Variants in MB observed in about 807,000 individuals in gnomAD.
MB encodes the protein myoglobin.
A neutral mutation model predicts 14.5 loss-of-function variants in MB; 10 were observed. That is an observed-to-expected ratio of 0.69 (90% CI 0.43 to 1.17). The LOEUF is 1.17. Ranked by LOEUF, MB falls within the 50% of genes most tolerant of loss-of-function variation. The pLI, the probability that MB is intolerant of heterozygous loss-of-function variation, is 0.00. For missense variants in MB, 169 were observed against 192.7 expected (o/e 0.88, Z 0.73); for synonymous variants, 89 against 78.6 (o/e 1.13, Z -0.70).
intron 1 of MB, among the ~76,000 whole-genome samples, chr22:35,612,127 C>T (rs1230840932): frequency 1.3e-5 from 2 of 152,196 alleles, no homozygotes; most frequent in East Asian, 3.9e-4. Context: ...TTGGCACGGG[C>T]AACCCTGTCT....
In MB at chr22:35,610,953, A is replaced by T; in HGVS notation, c.249T>A (p.His83Gln). Reference sequence around the variant, plus strand: ...GTGCCAGGGGCTTAATCTCTGCCTCATGATGCCCCTTCTTCTTAAGGATGC... The same window carrying T: ...GTGCCAGGGGCTTAATCTCTGCCTCTTGATGCCCCTTCTTCTTAAGGATGC... ...LGGILKKKGH[H>Q]EAEIKPLAQS... is the part of the protein sequence containing the mutation. Residue 83 changes from histidine (H) to glutamine (Q), a missense_variant, in exon 2 of 3, where the codon CAT (histidine) becomes CAA (glutamine). By Grantham distance (24) the His-to-Gln change is conservative. Transcript: ENST00000397326. 1 of 1,614,192 alleles carries T rather than the reference A, an allele frequency of 6.2e-7. No homozygotes were observed. The highest frequency in any genetic ancestry group is 1.1e-5 in the South Asian group (1 of 91,086).
chr22:35,609,114 T>G (rs866677013), intron 2 of MB, among the ~76,000 whole-genome samples: 1 of 152,184 alleles, frequency 6.6e-6, no homozygotes, highest in Admixed American at 6.5e-5. Context: ...CTTCTTCCTC[T>G]CTAGAGAGAG....
chr22:35,617,389 C>T (rs548098541), upstream of MB: 14 of 640,056 alleles, frequency 2.2e-5, no homozygotes, highest in East Asian at 3.6e-4. Flanking sequence ...AAAGATCGCT[C>T]AATGGCTCGC....
In MB at chr22:35,610,899, G is replaced by T. The variant is rs145228972; in HGVS notation, c.303C>A (p.Pro101=). ...AQSHATKHKI[P]VKYLEFISEC... ...CTGCTCCTACCTCCAGGTACTTCAC[G>T]GGGATCTTGTGCTTGGTGGCATGCG... Residue 101 remains proline, a synonymous_variant, in exon 2 of 3, where the codon CCC becomes CCA. Transcript: ENST00000397326. The T allele has an allele frequency of 2.5e-6, 4 of 1,613,732 alleles. No individual in the cohort carries two copies. The highest frequency in any genetic ancestry group is 1.7e-5 in the Admixed American group (1 of 59,988).
At position 35,607,352 on chromosome 22, in the gene MB, T is replaced by C. The variant is rs773082492; in HGVS notation, c.410A>G (p.Glu137Gly). 1.2e-6 allele frequency: 2 copies of C among 1,614,146 alleles called. No individual in the cohort carries two copies. The highest frequency in any genetic ancestry group is 1.7e-6 in the Non-Finnish European group (2 of 1,180,008). ...GGAGGCCATGTCCTTCCGGAACAGC[T>C]CCAGGGCCTTGTTCATGGCCCCCTG... ...DAQGAMNKALELFRKDMASNY... is the reference protein window; with the variant it reads ...DAQGAMNKALGLFRKDMASNY... Residue 137 changes from glutamate (E) to glycine (G), a missense_variant, in exon 3 of 3, where the codon GAG becomes GGG. By Grantham distance (98) the Glu-to-Gly change is moderately conservative. Coordinates refer to ENST00000397326, the MANE Select transcript of MB (RefSeq NM_005368.3).
chr22:35,607,194 A>C lies in MB; in HGVS notation c.*103T>G. On this transcript the variant is annotated 3_prime_UTR_variant, in exon 3 of 3. Coordinates refer to ENST00000397326, the MANE Select transcript of MB (RefSeq NM_005368.3). ...CTCCTCCTGCCCACCTCTACTAAAC[A>C]AAGCAGACACTCAGAAGCAAACTCT... The C allele has an allele frequency of 1.5e-6, 2 of 1,372,940 alleles. No individual in the cohort carries two copies. Among genetic ancestry groups the C allele is most frequent in the Non-Finnish European group, 2.0e-6 (2 of 1,019,592 alleles). The allele number at this position is 1,372,940 out of a possible 1,614,324, so 85.0% of individuals were successfully genotyped here.
chr22:35,614,312 G>A (rs1922887740), intron 1 of MB, among the ~76,000 whole-genome samples: 1 of 152,154 alleles, frequency 6.6e-6, no homozygotes, highest in Admixed American at 6.5e-5. Context: ...AAGGATTCTG[G>A]GCCGGGCTCA....
At chr22:35,617,903 G>T (rs987677951), upstream of MB, among the ~76,000 whole-genome samples, 29 of 152,174 alleles carry the variant, frequency 1.9e-4, no homozygotes, top group African/African-American at 6.5e-4. Flanking sequence ...CTGCTCAAAG[G>T]TTTCCCTCTG....
At chr22:35,621,572 G>C (rs1181833250), upstream of MB, among the ~76,000 whole-genome samples, 1 of 152,104 alleles carries the variant, frequency 6.6e-6, no homozygotes, top group Non-Finnish European at 1.5e-5. Flanking sequence ...ACTAAACATA[G>C]TTTTCCCTAC....
chr22:35,610,749 G>A, intron 2 of MB, 135 bp downstream of exon 2: 1 of 684,866 alleles, frequency 1.5e-6, no homozygotes, highest in Non-Finnish European at 2.5e-6. Context: ...TTACAAATGA[G>A]AAACCTGGGG....
chr22:35,617,453 A>T (rs1275201363), upstream of MB: 1 of 589,542 alleles, frequency 1.7e-6, no homozygotes, highest in Non-Finnish European at 3.0e-6. Flanking sequence ...GGGAGGGTCT[A>T]ATCTTTTCCT....
chr22:35,607,681 A>C (rs1005927199), intron 2 of MB, among the ~76,000 whole-genome samples: 2 of 152,004 alleles, frequency 1.3e-5, no homozygotes, highest in Non-Finnish European at 2.9e-5. Context: ...AGGCGAGGGG[A>C]GGTTGAATGG....
intron 2 of MB, 26 bp from the exon 3 acceptor site, chr22:35,607,469 T>C (rs368061509): frequency 6.2e-7 from 1 of 1,609,110 alleles, no homozygotes; most frequent in Non-Finnish European, 8.5e-7. Flanking sequence ...GGAGAGAAAA[T>C]GGTCACCAGG....
chr22:35,621,033 AC>A (rs1923429909), upstream of MB, among the ~76,000 whole-genome samples: 1 of 152,102 alleles, frequency 6.6e-6, no homozygotes, highest in Non-Finnish European at 1.5e-5. Flanking sequence ...CATCTCTACA[AC>A]AGAGCAGCGT....
chr22:35,608,791 C>T lies in MB; in HGVS notation c.319-1348G>A, dbSNP rs1922348543. On this transcript the variant is annotated intron_variant, in intron 2 of 2. Transcript: ENST00000397326. This position sits in a 1 kb window ranked among gnomAD's most constrained non-coding sequence, Gnocchi z 4.3. ...AGACTTTCTGGAGTCCATGGCAGAG[C>T]CACTCATATCTAGAAAACAGTGGAA... 6.6e-6 allele frequency among the ~76,000 whole-genome samples: 1 copy of T among 152,208 alleles called. No homozygotes were observed. Among genetic ancestry groups the T allele is most frequent in the South Asian group, 2.1e-4 (1 of 4,830 alleles).
At position 35,609,285 on chromosome 22, in the gene MB, C is replaced by T. The variant is rs533657711; in HGVS notation, c.318+1599G>A. Among the ~76,000 whole-genome samples the T allele has an allele frequency of 1.3e-3, 200 of 152,282 alleles. 4 individuals carry two copies. In the South Asian group the frequency reaches 0.041, roughly 31 times the overall value. On this transcript the variant is annotated intron_variant, in intron 2 of 2. Transcript: ENST00000397326. ...ATGACCGGAGATGAAGATAAAGTGC[C>T]ATGGTGCAGGGAGGGGCTGGCAGAT... is the stretch of plus-strand genomic sequence containing the variant.
At chr22:35,617,514 G>A (rs1191434379), upstream of MB, 15 of 514,178 alleles carry the variant, frequency 2.9e-5, no homozygotes, top group Non-Finnish European at 4.9e-5. Context: ...CCATTGTGGC[G>A]AGGCAGGACA....
intron 1 of MB, among the ~76,000 whole-genome samples, chr22:35,613,901 C>T (rs930177331): frequency 2.6e-5 from 4 of 152,238 alleles, no homozygotes; most frequent in African/African-American, 7.2e-5. Flanking sequence ...CCAGGCCTTG[C>T]AGCTAGGAGC....
In MB at chr22:35,607,046, C is replaced by G. The variant is rs1487362205; in HGVS notation, c.*251G>C. 3.2e-5 allele frequency: 13 copies of G among 408,010 alleles called. No homozygotes were observed. Among genetic ancestry groups the G allele is most frequent in the Non-Finnish European group, 4.4e-5 (10 of 228,808 alleles). 25.3% of individuals were successfully genotyped at this position (408,010 alleles called of 1,614,324 possible). The stretch of plus-strand genomic sequence containing the variant: ...GAAGAAAGGACAATTAATTCAGATC[C>G]AAACCATGCAGAACACAGTGAGCCA... On this transcript the variant is annotated 3_prime_UTR_variant, in exon 3 of 3. Transcript: ENST00000397326.
Sources: allele counts gnomAD v4.1 joint callset (sites outside exome capture counted in the v4.1 genomes callset), GRCh38; gene constraint gnomAD v4.1.1; non-coding constraint Gnocchi (gnomAD v3.1); transcripts MANE v1.5; gene names NCBI Gene and HGNC (gene_info 2026-07-23, HGNC 2026-07-21).